Variants in FSTL4 observed in about 807,000 individuals in gnomAD.
FSTL4 encodes follistatin-related protein 4.
A neutral mutation model predicts 78.2 loss-of-function variants in FSTL4; 28 were observed. The ratio of observed to expected loss-of-function variants is 0.36; its 90% CI spans 0.27 to 0.49. The LOEUF (loss-of-function observed/expected upper bound fraction) is 0.49, where lower values mean the gene tolerates loss of function less well. FSTL4 is among the 20% of genes least tolerant of loss of function. FSTL4 has a pLI of 0.98. For synonymous variants in FSTL4, 422 were observed against 440.5 expected (o/e 0.96, Z 0.53); for missense variants, 922 against 1,084.9 (o/e 0.85, Z 2.11).
chr5:133,651,883 A>G, the FSTL4 span, among the ~76,000 whole-genome samples: 3 of 152,086 alleles, frequency 2.0e-5, no homozygotes, highest in Admixed American at 6.5e-5. Flanking sequence ...TAAATGTTTG[A>G]TAGAATTCAC....
At chr5:133,499,292 T>C (rs1395975150) in intron 3 of FSTL4, among the ~76,000 whole-genome samples, 1 of 150,792 alleles carries the variant, frequency 6.6e-6, no homozygotes, top group Non-Finnish European at 1.5e-5. Flanking sequence ...AGCCCTCTCA[T>C]GGCTACACAC....
intron 7 of FSTL4, among the ~76,000 whole-genome samples, chr5:133,246,226 G>A (rs533638643): frequency 6.6e-5 from 10 of 152,294 alleles, no homozygotes; most frequent in South Asian, 2.1e-4. Flanking sequence ...TGGGGTGAAC[G>A]TGGCCACTGA....
the FSTL4 span, among the ~76,000 whole-genome samples, chr5:133,716,931 G>C: frequency 6.6e-6 from 1 of 152,300 alleles, no homozygotes; most frequent in Admixed American, 6.5e-5. Flanking sequence ...TTCAGTCCAA[G>C]TATTTGTCCC....
chr5:133,206,703 T>C (rs1750517588), intron 14 of FSTL4, among the ~76,000 whole-genome samples: 1 of 152,188 alleles, frequency 6.6e-6, no homozygotes, highest in African/African-American at 2.4e-5. Flanking sequence ...TGGAATAAAA[T>C]TCCCTTTCTC....
chr5:133,269,132 A>G (rs1752706737), intron 6 of FSTL4, among the ~76,000 whole-genome samples: 1 of 144,838 alleles, frequency 6.9e-6, no homozygotes, highest in Non-Finnish European at 1.5e-5. Flanking sequence ...CAGTGAGCTG[A>G]GATCGTGCCA....
At chr5:133,340,062 A>G (rs1213325639) in intron 4 of FSTL4, among the ~76,000 whole-genome samples, 3 of 151,952 alleles carry the variant, frequency 2.0e-5, no homozygotes, top group South Asian at 2.1e-4. Context: ...GTTTCCCCCC[A>G]CACTCGTGTT....
At chr5:133,826,554 C>T in the FSTL4 span, among the ~76,000 whole-genome samples, 2 of 152,174 alleles carry the variant, frequency 1.3e-5, no homozygotes, top group Non-Finnish European at 2.9e-5. Flanking sequence ...GCCTCTGTGG[C>T]CACACTGCCT....
intron 5 of FSTL4, 98 bp from the exon 6 acceptor site, chr5:133,312,875 C>T: frequency 8.9e-7 from 1 of 1,119,156 alleles, no homozygotes; most frequent in Admixed American, 2.1e-5. Context: ...CCAGGGACAG[C>T]TCAGTGGGCC....
the FSTL4 span, among the ~76,000 whole-genome samples, chr5:133,805,541 T>C: frequency 6.6e-6 from 1 of 152,214 alleles, no homozygotes; most frequent in African/African-American, 2.4e-5. Flanking sequence ...TCCCTGTTAT[T>C]GCATGATCTT....
chr5:133,387,364 C>T (rs1206924274), intron 4 of FSTL4, among the ~76,000 whole-genome samples: 2 of 152,288 alleles, frequency 1.3e-5, no homozygotes, highest in Middle Eastern at 3.4e-3. Context: ...CATGAGATGA[C>T]GTCCATACAG....
At chr5:133,797,719 A>T in the FSTL4 span, among the ~76,000 whole-genome samples, 4 of 152,000 alleles carry the variant, frequency 2.6e-5, no homozygotes, top group Non-Finnish European at 1.5e-5. Flanking sequence ...TAGGAGTCCA[A>T]CTCAACCTCC....
chr5:133,557,916 T>C (rs1277903108), intron 3 of FSTL4, among the ~76,000 whole-genome samples: 2 of 152,226 alleles, frequency 1.3e-5, no homozygotes, highest in African/African-American at 4.8e-5. Context: ...AAGGGGACCC[T>C]CTGCTGAGAC....
chr5:133,604,047 A>T (rs1449236128), intron 1 of FSTL4, 54 bp from the exon 2 acceptor site: 4 of 1,317,068 alleles, frequency 3.0e-6, no homozygotes, highest in Non-Finnish European at 4.4e-6. Flanking sequence ...TGGATATAAT[A>T]AGTCACAGTG....
At chr5:133,367,154 A>G (rs1195528538) in intron 4 of FSTL4, among the ~76,000 whole-genome samples, 1 of 152,110 alleles carries the variant, frequency 6.6e-6, no homozygotes, top group Admixed American at 6.5e-5. Context: ...AAAGGATGAG[A>G]CAGAGCCAAC....
chr5:133,788,004 C>G, the FSTL4 span, among the ~76,000 whole-genome samples: 1 of 152,236 alleles, frequency 6.6e-6, no homozygotes, highest in African/African-American at 2.4e-5. Flanking sequence ...GTCACTCTGT[C>G]TGGCACCCTG....
chr5:133,268,426 C>A (rs577025642), intron 6 of FSTL4, among the ~76,000 whole-genome samples: 44 of 152,296 alleles, frequency 2.9e-4, no homozygotes, highest in East Asian at 7.7e-4. Flanking sequence ...CAAGTCACTA[C>A]CCCCCTACAT....
At chr5:133,818,931 C>CTATATATATATATA in the FSTL4 span, among the ~76,000 whole-genome samples, 640 of 61,716 alleles carry the variant, frequency 0.01, 123 homozygotes, top group Middle Eastern at 0.045. Flanking sequence ...TTAGAAGATA[C>CTATATATATATATA]TATATATATA....
chr5:133,691,374 G>T, the FSTL4 span, among the ~76,000 whole-genome samples: 1 of 152,058 alleles, frequency 6.6e-6, no homozygotes, highest in East Asian at 2.0e-4. Flanking sequence ...GGCAACACTC[G>T]GCCCAGACTC....
At chr5:133,333,110 G>C (rs1296344457) in intron 4 of FSTL4, among the ~76,000 whole-genome samples, 1 of 152,154 alleles carries the variant, frequency 6.6e-6, no homozygotes, top group Non-Finnish European at 1.5e-5. Flanking sequence ...CAGTGACACT[G>C]CACATGTGGC....
Sources: allele counts gnomAD v4.1 joint callset (sites outside exome capture counted in the v4.1 genomes callset), GRCh38; gene constraint gnomAD v4.1.1; transcripts MANE v1.5; gene names NCBI Gene and HGNC (gene_info 2026-07-23, HGNC 2026-07-21).